The following LMO7 variants were observed in gnomAD, a reference collection of about 807,000 sequenced individuals.
LMO7 encodes LIM domain 7.
In LMO7, 120 loss-of-function variants were observed where a neutral mutation model predicts 206.5. That is an observed-to-expected ratio of 0.58 (90% CI 0.50 to 0.68). The LOEUF (loss-of-function observed/expected upper bound fraction) is 0.68, where lower values mean the gene tolerates loss of function less well. Among genes scored for constraint, LMO7 ranks in the 30% least tolerant of loss-of-function variants. The probability of loss-of-function intolerance (pLI) is 0.00; values close to 1 mark genes in which losing one functional copy is unlikely to be tolerated. For missense variants in LMO7, 1,959 were observed against 1,957.9 expected (o/e 1.00, Z -0.01); for synonymous variants, 706 against 681.5 (o/e 1.04, Z -0.56).
chr13:75,642,552 G>A (rs920647943), intron 1 of LMO7, among the ~76,000 whole-genome samples: 13 of 151,626 alleles, frequency 8.6e-5, no homozygotes, highest in Admixed American at 2.0e-4. Flanking sequence ...GTGGTGAGCC[G>A]TAACTGTGCC....
intron 4 of LMO7, among the ~76,000 whole-genome samples, chr13:75,774,925 C>A (rs2050181865): frequency 6.6e-6 from 1 of 151,786 alleles, no homozygotes; most frequent in South Asian, 2.1e-4. Flanking sequence ...TTTGCCTAAC[C>A]CAATGTTGCA....
chr13:75,768,465 A>C (rs1415813375), intron 4 of LMO7, among the ~76,000 whole-genome samples: 4 of 152,116 alleles, frequency 2.6e-5, no homozygotes, highest in African/African-American at 9.7e-5. Flanking sequence ...TGTGGGGCCA[A>C]CACAATTGAA....
intron 4 of LMO7, among the ~76,000 whole-genome samples, chr13:75,789,488 G>T (rs1320590660): frequency 6.6e-6 from 1 of 152,152 alleles, no homozygotes; most frequent in African/African-American, 2.4e-5. Context: ...TTACTCCCAC[G>T]TGGGGAAAAA....
At chr13:75,640,762 C>T (rs1427633299) in intron 1 of LMO7, among the ~76,000 whole-genome samples, 4 of 152,206 alleles carry the variant, frequency 2.6e-5, no homozygotes, top group Non-Finnish European at 4.4e-5. Flanking sequence ...AGGACCAGAA[C>T]TCATTTCTTC....
intron 3 of LMO7, chr13:75,760,683 A>C: frequency 6.6e-7 from 1 of 1,520,284 alleles, no homozygotes; most frequent in South Asian, 1.2e-5. Context: ...TTAACGTGCC[A>C]GTCACAAAGA....
At chr13:75,799,454 A>T (rs913251633) in intron 6 of LMO7, among the ~76,000 whole-genome samples, 1 of 152,184 alleles carries the variant, frequency 6.6e-6, no homozygotes, top group East Asian at 1.9e-4. Context: ...TTTCTCCCCC[A>T]AATACTCAGT....
chr13:75,693,973 G>C (rs955946818), intron 1 of LMO7, among the ~76,000 whole-genome samples: 4 of 151,842 alleles, frequency 2.6e-5, no homozygotes, highest in African/African-American at 9.7e-5. Context: ...GCAGTAGTCT[G>C]TCTTTTCTTT....
At chr13:75,748,245 T>C (rs151317359) in intron 3 of LMO7, among the ~76,000 whole-genome samples, 182 of 152,218 alleles carry the variant, frequency 1.2e-3, no homozygotes, top group Admixed American at 2.4e-3. Flanking sequence ...GATAATAAAA[T>C]TGTGTTGTTT....
rs1208028566 is a variant in LMO7 at position 75,768,585 on chromosome 13, TCTAAA to T, written c.317+7551_317+7555del. ...GTTTTATTTCCCTCACTTTTTAAAA[TCTAAA>T]CTAGTCAGTGACACCAAATCTAACC... On this transcript the variant is annotated intron_variant, in intron 4 of 30. Transcript: ENST00000377534. 1.1e-4 allele frequency among the ~76,000 whole-genome samples: 17 copies of T among 152,234 alleles called. No individual in the cohort carries two copies. The East Asian group carries it at 3.3e-3, about 29-fold the overall frequency.
At chr13:75,670,748 G>GT (rs2039489106) in intron 1 of LMO7, among the ~76,000 whole-genome samples, 1 of 152,042 alleles carries the variant, frequency 6.6e-6, no homozygotes, top group African/African-American at 2.4e-5. Context: ...CTGCTGCAGA[G>GT]TTTATAAACA....
At chr13:75,728,541 G>A in intron 3 of LMO7, among the ~76,000 whole-genome samples, 1 of 142,842 alleles carries the variant, frequency 7.0e-6, no homozygotes. Flanking sequence ...TGTCAGATGA[G>A]TAGGTTGTGA....
intron 13 of LMO7, among the ~76,000 whole-genome samples, 186 bp from the exon 14 acceptor site, chr13:75,820,991 C>T (rs377724131): frequency 0.014 from 1,598 of 118,128 alleles, 22 homozygotes; most frequent in African/African-American, 0.046. Flanking sequence ...GAGCGAGATT[C>T]GGTCTCAAAA....
At chr13:75,833,565 G>T (rs529212276) in intron 16 of LMO7, among the ~76,000 whole-genome samples, 8 of 152,116 alleles carry the variant, frequency 5.3e-5, no homozygotes, top group African/African-American at 1.9e-4. Flanking sequence ...TATACCTATT[G>T]CCCATGAAGT....
At position 75,841,843 on chromosome 13, in the gene LMO7, A is replaced by G; in HGVS notation, c.3891A>G (p.Lys1297=). 6.2e-7 allele frequency: 1 copy of G among 1,614,096 alleles called. No homozygotes were observed. The highest frequency in any genetic ancestry group is 1.1e-5 in the South Asian group (1 of 91,072). ...QDQLVIERER[K]WEQQLQEEQE... ...AGCTTGTTATTGAGAGAGAGAGGAAATGGGAGCAACAGCTTCAGGAAGAGC... is the reference window on the plus strand; with the variant it reads ...AGCTTGTTATTGAGAGAGAGAGGAAGTGGGAGCAACAGCTTCAGGAAGAGC... The change falls in exon 24 of 31, where the codon AAA becomes AAG. Residue 1297 remains lysine (K), a synonymous_variant. Coordinates refer to ENST00000377534, the MANE Select transcript of LMO7 (RefSeq NM_001306080.2).
At chr13:75,633,001 AC>A (rs2035187748), upstream of LMO7, among the ~76,000 whole-genome samples, 1 of 151,306 alleles carries the variant, frequency 6.6e-6, no homozygotes, top group Non-Finnish European at 1.5e-5. Flanking sequence ...AGCTAGAATT[AC>A]AGGTGGCTGC....
chr13:75,751,124 C>G (rs1055501506), intron 3 of LMO7, among the ~76,000 whole-genome samples: 7 of 137,794 alleles, frequency 5.1e-5, no homozygotes, highest in Non-Finnish European at 1.1e-4. Flanking sequence ...TCAGCATCAT[C>G]ATGTACTCAG....
intron 20 of LMO7, 48 bp downstream of exon 20, chr13:75,838,244 C>T (rs756413912): frequency 2.3e-5 from 36 of 1,533,536 alleles, no homozygotes; most frequent in Non-Finnish European, 3.2e-5. Context: ...AATTGTTCTC[C>T]CTCTCCACTC....
In LMO7 at chr13:75,769,841, G is replaced by T. The variant is rs1474375733; in HGVS notation, c.317+8803G>T. On this transcript the variant is annotated intron_variant, in intron 4 of 30. Transcript: ENST00000377534. ...TCATTACATTATAGTAATACTGATG[G>T]CTGTCAATTGTTTTGAAATGCTTTT... 3.9e-5 allele frequency among the ~76,000 whole-genome samples: 6 copies of T among 152,168 alleles called. No homozygotes were observed. In the South Asian group the frequency reaches 1.2e-3, roughly 32 times the overall value.
intron 4 of LMO7, among the ~76,000 whole-genome samples, chr13:75,776,116 T>TAC (rs1189820675): frequency 2.2e-4 from 17 of 78,600 alleles, no homozygotes; most frequent in African/African-American, 6.0e-4. Flanking sequence ...TATATATACA[T>TAC]ACATACATAC....
Sources: gnomAD v4.1 joint callset for allele counts (sites outside exome capture counted in the v4.1 genomes callset) on GRCh38, gnomAD v4.1.1 for gene constraint, MANE v1.5 for transcripts, NCBI Gene and HGNC (gene_info 2026-07-23, HGNC 2026-07-21) for gene names.